The following TSPAN18 variants were observed in gnomAD, a reference collection of about 807,000 sequenced individuals.
TSPAN18 encodes the protein tetraspanin-18.
A neutral mutation model predicts 27.3 loss-of-function variants in TSPAN18; 14 were observed. The observed-to-expected ratio is 0.51, with a 90% CI of 0.34 to 0.80. TSPAN18 has a LOEUF of 0.80. TSPAN18 is among the 30% of genes least tolerant of loss of function. The probability of loss-of-function intolerance (pLI) is 0.01; values close to 1 mark genes in which losing one functional copy is unlikely to be tolerated. For missense variants in TSPAN18, 268 were observed against 323.9 expected (o/e 0.83, Z 1.32); for synonymous variants, 143 against 136.5 (o/e 1.05, Z -0.33).
At chr11:44,755,545 G>A (rs1855311535) in intron 1 of TSPAN18, among the ~76,000 whole-genome samples, 1 of 152,048 alleles carries the variant, frequency 6.6e-6, no homozygotes, top group South Asian at 2.1e-4. Context: ...CTGAGCTGGG[G>A]ACGCAGCCCC....
intron 3 of TSPAN18, among the ~76,000 whole-genome samples, chr11:44,872,818 A>C (rs1442949310): frequency 6.6e-6 from 1 of 152,188 alleles, no homozygotes; most frequent in Non-Finnish European, 1.5e-5. Context: ...CAGTTAAATA[A>C]TATTATAGTT....
upstream of TSPAN18, chr11:44,726,538 C>G (rs1198721042): frequency 6.6e-6 from 1 of 152,086 alleles, no homozygotes; most frequent in Non-Finnish European, 1.5e-5. Context: ...AGCGGGAAGC[C>G]CAGGAGCCCG....
chr11:44,919,444 C>T, intron 7 of TSPAN18, 132 bp downstream of exon 7: 1 of 795,370 alleles, frequency 1.3e-6, no homozygotes, highest in Non-Finnish European at 2.1e-6. Context: ...GAATCACCAT[C>T]CACGCAGCAT....
At chr11:44,742,509 C>A (rs1209474537) in intron 1 of TSPAN18, among the ~76,000 whole-genome samples, 1 of 152,098 alleles carries the variant, frequency 6.6e-6, no homozygotes, top group East Asian at 1.9e-4. Flanking sequence ...GTCATCCAGC[C>A]CAGCAGTGCA....
intron 1 of TSPAN18, among the ~76,000 whole-genome samples, chr11:44,727,646 G>T (rs910417981): frequency 2.6e-5 from 4 of 152,132 alleles, no homozygotes; most frequent in African/African-American, 9.7e-5. Flanking sequence ...TTCGGCCAGG[G>T]CTGCGCCCGG....
chr11:44,743,148 C>T (rs1854986073), intron 1 of TSPAN18, among the ~76,000 whole-genome samples: 1 of 152,188 alleles, frequency 6.6e-6, no homozygotes, highest in Non-Finnish European at 1.5e-5. Flanking sequence ...CAGCACTTCC[C>T]CCTAAAAATG....
At chr11:44,834,916 G>A (rs1337751355) in intron 2 of TSPAN18, among the ~76,000 whole-genome samples, 3 of 152,238 alleles carry the variant, frequency 2.0e-5, no homozygotes, top group Non-Finnish European at 4.4e-5. Context: ...GCAAGGGGGC[G>A]AGGTTAGGCC....
At chr11:44,882,627 C>G (rs12360705) in intron 3 of TSPAN18, among the ~76,000 whole-genome samples, 4,112 of 130,640 alleles carry the variant, frequency 0.031, 71 homozygotes, top group African/African-American at 0.06. Context: ...CACACACACA[C>G]AGAGAGAGAG....
At chr11:44,923,803 T>A (rs769798477) in intron 8 of TSPAN18, among the ~76,000 whole-genome samples, 2 of 151,982 alleles carry the variant, frequency 1.3e-5, no homozygotes, top group Non-Finnish European at 2.9e-5. Flanking sequence ...TCATTCAGAG[T>A]GGGTGGTGGC....
chr11:44,842,097 C>T (rs1857386177), intron 2 of TSPAN18, among the ~76,000 whole-genome samples: 1 of 152,174 alleles, frequency 6.6e-6, no homozygotes, highest in South Asian at 2.1e-4. Flanking sequence ...CCCTTGAACC[C>T]AGATCCTCAG....
chr11:44,779,511 T>C (rs191819662), intron 2 of TSPAN18, among the ~76,000 whole-genome samples: 1 of 152,076 alleles, frequency 6.6e-6, no homozygotes, highest in East Asian at 1.9e-4. Flanking sequence ...GAGATTAGAG[T>C]TGTGGGTGAA....
In TSPAN18 at chr11:44,886,516, G is replaced by A. The variant is rs1185879469; in HGVS notation, c.-10-19891G>A. 2.0e-5 allele frequency: 3 copies of A among 152,240 alleles called. No homozygotes were observed. In the South Asian group the frequency reaches 6.2e-4, roughly 31 times the overall value. The allele number at this position is 152,240 out of a possible 1,614,324, so 9.4% of individuals were successfully genotyped here. ...CATCTCTGCTGTGCTGGCTTTGCTG[G>A]ACGGTTGTGGGGATCAAGCAAGAAC... On this transcript the variant is annotated intron_variant, in intron 3 of 9. Transcript: ENST00000520358.
At chr11:44,785,115 A>T (rs1856024360) in intron 2 of TSPAN18, among the ~76,000 whole-genome samples, 3 of 152,194 alleles carry the variant, frequency 2.0e-5, no homozygotes, top group Admixed American at 6.5e-5. Flanking sequence ...TATATTTTGC[A>T]TTGTGAATGC....
intron 2 of TSPAN18, among the ~76,000 whole-genome samples, chr11:44,824,241 C>T (rs1856988897): frequency 6.6e-6 from 1 of 152,200 alleles, no homozygotes; most frequent in African/African-American, 2.4e-5. Flanking sequence ...CACCCCACAC[C>T]CCTCCTAGCT....
At chr11:44,809,165 A>G (rs1856663335) in intron 2 of TSPAN18, among the ~76,000 whole-genome samples, 1 of 152,188 alleles carries the variant, frequency 6.6e-6, no homozygotes, top group South Asian at 2.1e-4. Flanking sequence ...GGAAGCAGGA[A>G]TAGAACCAGA....
chr11:44,917,099 G>A (rs1000187), intron 5 of TSPAN18, among the ~76,000 whole-genome samples: 45,704 of 152,166 alleles, frequency 0.3, 8,084 homozygotes, highest in East Asian at 0.58. Flanking sequence ...CAGGCAGCGC[G>A]CTGAGTGACA....
intron 2 of TSPAN18, among the ~76,000 whole-genome samples, chr11:44,832,649 G>A (rs569396506): frequency 6.6e-5 from 10 of 152,154 alleles, no homozygotes; most frequent in Admixed American, 1.3e-4. Flanking sequence ...TCATTGTCCC[G>A]GGGACCCTGG....
intron 2 of TSPAN18, among the ~76,000 whole-genome samples, chr11:44,840,201 C>T (rs1334354546): frequency 6.6e-6 from 1 of 152,202 alleles, no homozygotes; most frequent in Non-Finnish European, 1.5e-5. Context: ...TGACCAACTG[C>T]TGAGCACTTA....
chr11:44,726,512 A>T (rs753884767), upstream of TSPAN18: 1 of 152,216 alleles, frequency 6.6e-6, no homozygotes, highest in South Asian at 2.1e-4. Context: ...GGCTTTCAAC[A>T]GGTACTTCCC....
Sources: gnomAD v4.1 joint callset for allele counts (sites outside exome capture counted in the v4.1 genomes callset) on GRCh38, gnomAD v4.1.1 for gene constraint, MANE v1.5 for transcripts, NCBI Gene and HGNC (gene_info 2026-07-23, HGNC 2026-07-21) for gene names.